The following NCS1 variants were observed in gnomAD, a reference collection of about 807,000 sequenced individuals.
NCS1 encodes the protein frequenin homolog.
A neutral mutation model predicts 28.4 loss-of-function variants in NCS1; 6 were observed. The ratio of observed to expected loss-of-function variants is 0.21; its 90% confidence interval spans 0.12 to 0.42. The LOEUF (loss-of-function observed/expected upper bound fraction) is 0.42. Ranked by LOEUF, NCS1 falls within the 10% of genes least tolerant of loss-of-function variation. The pLI is 1.00. For synonymous variants in NCS1, 86 were observed against 99.3 expected (o/e 0.87, Z 0.79); for missense variants, 131 against 241.4 (o/e 0.54, Z 3.03).
rs1554908551 is a variant in NCS1, at chr9:130,209,925, C to T, written c.90-7907C>T. Among the ~76,000 whole-genome samples the T allele has an allele frequency of 6.6e-6, 1 of 152,080 alleles. No individual in the cohort carries two copies. The highest frequency in any genetic ancestry group is 2.4e-5 in the African/African-American group (1 of 41,402). Reference sequence around the variant, plus strand: ...TGGGCCTGCCTCTGAGGTCTGGCACCATGGCTCTTCTCTAATCCCCAAAGG... The same window carrying T: ...TGGGCCTGCCTCTGAGGTCTGGCACTATGGCTCTTCTCTAATCCCCAAAGG... On this transcript the variant is annotated intron_variant, in intron 2 of 7. Transcript: ENST00000372398. This position sits in a 1 kb window ranked among gnomAD's most constrained non-coding sequence, Gnocchi z 4.4.
At chr9:130,204,648 AC>A (rs1250844377) in intron 2 of NCS1, among the ~76,000 whole-genome samples, 2 of 152,128 alleles carry the variant, frequency 1.3e-5, no homozygotes, top group Non-Finnish European at 2.9e-5. Context: ...AAATGACTAG[AC>A]TTTTTAGGAC....
chr9:130,235,070 C>G lies in NCS1; in HGVS notation c.*2098C>G, dbSNP rs1833561558. The G allele has an allele frequency of 1.3e-5, 2 of 152,440 alleles. No individual in the cohort carries two copies. The highest frequency in any genetic ancestry group is 4.1e-4 in the South Asian group (2 of 4,834). 9.4% of individuals were successfully genotyped at this position (152,440 alleles called of 1,614,324 possible). ...CATTCAGCCAACCCCAGCGTCCCCC[C>G]TGAGGCGTTCATTGGCAGCCCCCTA... On this transcript the variant is annotated 3_prime_UTR_variant, in exon 8 of 8. Transcript: ENST00000372398.
chr9:130,210,138 C>T (rs1833092818), intron 2 of NCS1, among the ~76,000 whole-genome samples: 1 of 152,078 alleles, frequency 6.6e-6, no homozygotes, highest in African/African-American at 2.4e-5. Context: ...CGATGGCTCA[C>T]ACCTGTAATC....
Position 130,222,699 on chromosome 9 carries a change from T to A in NCS1, c.357T>A (p.Asn119Lys). 6.2e-7 allele frequency: 1 copy of A among 1,613,836 alleles called. No individual in the cohort carries two copies. Among genetic ancestry groups the A allele is most frequent in the Non-Finnish European group, 8.5e-7 (1 of 1,179,936 alleles). ...ACAATGATGGCTACATCACCAGGAATGAGATGCTGGACATTGTGGATGCCA... is the reference window on the plus strand; with the variant it reads ...ACAATGATGGCTACATCACCAGGAAAGAGATGCTGGACATTGTGGATGCCA... ...DLDNDGYITR[N>K]EMLDIVDAIY... Residue 119 changes from asparagine (N) to lysine (K), a missense_variant, in exon 5 of 8, where the codon AAT becomes AAA. Around this residue, in one of 2 missense-constraint regions of NCS1, gnomAD observed 100 missense variants for 210.3 expected, o/e 0.48. Transcript: ENST00000372398.
chr9:130,185,687 A>G (rs1832728189), intron 1 of NCS1, among the ~76,000 whole-genome samples: 1 of 152,210 alleles, frequency 6.6e-6, no homozygotes, highest in Admixed American at 6.5e-5. Flanking sequence ...TGTGGGGGAA[A>G]CAGCGAATGC....
In NCS1 at chr9:130,226,055, G is replaced by A. The variant is rs782017836; in HGVS notation, c.475-334G>A. On this transcript the variant is annotated intron_variant, in intron 6 of 7. Coordinates refer to ENST00000372398, the MANE Select transcript of NCS1 (RefSeq NM_014286.4). The surrounding 1 kb of genome is among the most constrained non-coding windows in gnomAD (Gnocchi z 4.8). ...GCCTTGTCAGTTACTCACATTGATG[G>A]GGTTTAATAGCATTAACCATGACAC... Among the ~76,000 whole-genome samples the A allele has an allele frequency of 1.4e-4, 21 of 152,286 alleles. No individual in the cohort carries two copies. Among genetic ancestry groups the A allele is most frequent in the Middle Eastern group, 3.4e-3 (1 of 294 alleles).
At chr9:130,188,654 C>T (rs1028790520) in intron 1 of NCS1, among the ~76,000 whole-genome samples, 34 of 151,986 alleles carry the variant, frequency 2.2e-4, no homozygotes, top group Admixed American at 1.1e-3. Context: ...GTGATTCACC[C>T]GCCTTCTTGG....
At chr9:130,185,447 T>C (rs782655397) in intron 1 of NCS1, among the ~76,000 whole-genome samples, 5 of 152,114 alleles carry the variant, frequency 3.3e-5, no homozygotes, top group Non-Finnish European at 7.4e-5. Flanking sequence ...AGGGGGGTTT[T>C]CCTCCGTGGC....
At chr9:130,200,428 G>A in intron 1 of NCS1, 1 of 714,816 alleles carries the variant, frequency 1.4e-6, no homozygotes, top group Admixed American at 2.5e-5. Flanking sequence ...AAAGAGCCCG[G>A]GCTGACCACA....
At chr9:130,193,035 G>A (rs782643922) in intron 1 of NCS1, among the ~76,000 whole-genome samples, 18 of 152,334 alleles carry the variant, frequency 1.2e-4, no homozygotes, top group Non-Finnish European at 2.1e-4. Context: ...GACCACCACC[G>A]TCTTCGCTTT....
chr9:130,220,386 G>A lies in NCS1; in HGVS notation c.307+583G>A, dbSNP rs534738715. On this transcript the variant is annotated intron_variant, in intron 4 of 7. Transcript: ENST00000372398. ...GGGCGATCAGTCTAGAGTGGCAGCAGGATTTAAAAAAAAACCTCAGGAAAC... is the reference window on the plus strand; with the variant it reads ...GGGCGATCAGTCTAGAGTGGCAGCAAGATTTAAAAAAAAACCTCAGGAAAC... Among the ~76,000 whole-genome samples the A allele has an allele frequency of 9.2e-5, 14 of 152,150 alleles. No homozygotes were observed. The East Asian group carries it at 2.5e-3, about 27-fold the overall frequency.
At chr9:130,203,449 G>A (rs1254577677) in intron 2 of NCS1, among the ~76,000 whole-genome samples, 1 of 152,210 alleles carries the variant, frequency 6.6e-6, no homozygotes, top group African/African-American at 2.4e-5. Context: ...TGGACAGCAA[G>A]GAGTCTTCGG....
At chr9:130,195,570 C>T (rs782278898) in intron 1 of NCS1, among the ~76,000 whole-genome samples, 13 of 152,112 alleles carry the variant, frequency 8.5e-5, no homozygotes, top group Non-Finnish European at 1.2e-4. Flanking sequence ...ATTATAGGCA[C>T]GCGCCACCAC....
Position 130,214,376 on chromosome 9 carries a change from G to A in NCS1, c.90-3456G>A, listed in dbSNP as rs560904154. On this transcript the variant is annotated intron_variant, in intron 2 of 7. Transcript: ENST00000372398. Reference sequence around the variant, plus strand: ...TTCACTGGGGACTCTTGCAATAGGTGTCAGGACTATCACAACCTGGGAGAG... The same window carrying A: ...TTCACTGGGGACTCTTGCAATAGGTATCAGGACTATCACAACCTGGGAGAG... Among the ~76,000 whole-genome samples, 15 of 152,342 alleles carry A rather than the reference G, an allele frequency of 9.8e-5. No homozygotes were observed. In the South Asian group the frequency reaches 2.7e-3, roughly 27 times the overall value.
chr9:130,210,976 G>A (rs1352998654), intron 2 of NCS1, among the ~76,000 whole-genome samples: 2 of 149,124 alleles, frequency 1.3e-5, no homozygotes, highest in Non-Finnish European at 3.0e-5. Context: ...ACAGCTAGGA[G>A]GACAAACACA....
At chr9:130,176,189 TC>T (rs1564700796) in intron 1 of NCS1, among the ~76,000 whole-genome samples, 5 of 83,284 alleles carry the variant, frequency 6.0e-5, no homozygotes, top group Admixed American at 1.4e-4. Flanking sequence ...TTTCTTTCTT[TC>T]TTTCTTTTTT....
chr9:130,215,954 C>T lies in NCS1; in HGVS notation c.90-1878C>T, dbSNP rs1463736306. Among the ~76,000 whole-genome samples, 1 of 152,160 alleles carries T rather than the reference C, an allele frequency of 6.6e-6. No homozygotes were observed. Among genetic ancestry groups the T allele is most frequent in the Non-Finnish European group, 1.5e-5 (1 of 68,022 alleles). On this transcript the variant is annotated intron_variant, in intron 2 of 7. Coordinates refer to ENST00000372398, the MANE Select transcript of NCS1 (RefSeq NM_014286.4). This position sits in a 1 kb window ranked among gnomAD's most constrained non-coding sequence, Gnocchi z 4.2. Reference sequence around the variant, plus strand: ...CTGCCCTCCCCCATCCTCCTCCTCCCCTCAACCGCCCTCACTCCGGCAGCA... The same window carrying T: ...CTGCCCTCCCCCATCCTCCTCCTCCTCTCAACCGCCCTCACTCCGGCAGCA...
intron 1 of NCS1, among the ~76,000 whole-genome samples, chr9:130,199,241 G>A (rs1213637982): frequency 6.6e-6 from 1 of 152,020 alleles, no homozygotes; most frequent in East Asian, 1.9e-4. Context: ...CTACAGGAGC[G>A]TGCCACCATG....
In NCS1 at chr9:130,235,967, A is replaced by T. The variant is rs1833585116; in HGVS notation, c.*2995A>T. 2 of 152,172 alleles carry T rather than the reference A, an allele frequency of 1.3e-5. No homozygotes were observed. Among genetic ancestry groups the T allele is most frequent in the African/African-American group, 4.8e-5 (2 of 41,420 alleles). The allele number at this position is 152,172 out of a possible 1,614,324, so 9.4% of individuals were successfully genotyped here. On this transcript the variant is annotated 3_prime_UTR_variant, in exon 8 of 8. Transcript: ENST00000372398. ...CTCTTCCTCGTAGCGTCTGCTCCTC[A>T]CTTTGTGTTGATGGTGACTTAGGAG...
Sources: allele counts gnomAD v4.1 joint callset (sites outside exome capture counted in the v4.1 genomes callset), GRCh38; gene constraint gnomAD v4.1.1; regional missense constraint gnomAD v4.1.1; non-coding constraint Gnocchi (gnomAD v3.1); transcripts MANE v1.5; gene names NCBI Gene and HGNC (gene_info 2026-07-23, HGNC 2026-07-21).